The following CEMIP variants were observed in gnomAD, a reference collection of about 807,000 sequenced individuals.
CEMIP encodes cell migration inducing hyaluronidase 1, also known as cell migration-inducing and hyaluronan-binding protein.
CEMIP carries 105 observed loss-of-function variants against 156.9 expected under a neutral mutation model. The observed-to-expected ratio is 0.67, with a 90% CI of 0.57 to 0.79. The LOEUF (loss-of-function observed/expected upper bound fraction) is 0.79, where lower values mean the gene tolerates loss of function less well. Among genes scored for constraint, CEMIP ranks in the 30% least tolerant of loss-of-function variants. The probability of loss-of-function intolerance (pLI) is 0.00; values close to 1 mark genes in which losing one functional copy is unlikely to be tolerated. For missense variants in CEMIP, 1,457 were observed against 1,769.4 expected (o/e 0.82, Z 3.17); for synonymous variants, 676 against 668.4 (o/e 1.01, Z -0.17).
chr15:80,924,457 A>T (rs943041428), intron 17 of CEMIP, among the ~76,000 whole-genome samples, 164 bp from the exon 18 acceptor site: 1 of 152,226 alleles, frequency 6.6e-6, no homozygotes, highest in African/African-American at 2.4e-5. Flanking sequence ...ATAAGGCAGC[A>T]TCTTCACCTC....
At chr15:80,856,579 T>C (rs1897857381) in intron 1 of CEMIP, among the ~76,000 whole-genome samples, 1 of 152,176 alleles carries the variant, frequency 6.6e-6, no homozygotes, top group African/African-American at 2.4e-5. Flanking sequence ...GGTCCCCTAG[T>C]GGTGAGTTAG....
At chr15:80,912,370 C>T (rs992289078) in intron 14 of CEMIP, among the ~76,000 whole-genome samples, 6 of 152,158 alleles carry the variant, frequency 3.9e-5, no homozygotes, top group Admixed American at 2.6e-4. Flanking sequence ...GGTCTCCCTC[C>T]GGCCTGGGTC....
chr15:80,930,188 T>A (rs1201708457), intron 21 of CEMIP, among the ~76,000 whole-genome samples: 1 of 152,248 alleles, frequency 6.6e-6, no homozygotes, highest in African/African-American at 2.4e-5. Context: ...CCAACCCAAG[T>A]GGACATGGAA....
intron 13 of CEMIP, among the ~76,000 whole-genome samples, chr15:80,908,690 C>T (rs1899910696): frequency 6.6e-6 from 1 of 152,176 alleles, no homozygotes; most frequent in African/African-American, 2.4e-5. Context: ...CTGCTCCATA[C>T]TTCACTGTAA....
At chr15:80,880,242 G>A (rs1898601950) in intron 5 of CEMIP, among the ~76,000 whole-genome samples, 1 of 152,226 alleles carries the variant, frequency 6.6e-6, no homozygotes, top group Admixed American at 6.5e-5. Flanking sequence ...GCTAAGAAGT[G>A]AGAGTCAGGA....
chr15:80,893,055 C>T lies in CEMIP; in HGVS notation c.1087-1935C>T, dbSNP rs1326868635. On this transcript the variant is annotated intron_variant, in intron 10 of 29. Coordinates refer to ENST00000394685, the MANE Select transcript of CEMIP (RefSeq NM_001293298.2). ...TACAAAAATTAGCTGGGTGTGGTGG[C>T]GGGCACCTGTAATCCCAGCTACTCG... Among the ~76,000 whole-genome samples the T allele has an allele frequency of 4.6e-5, 7 of 151,986 alleles. No individual in the cohort carries two copies. The East Asian group carries it at 7.8e-4, about 17-fold the overall frequency.
intron 1 of CEMIP, among the ~76,000 whole-genome samples, chr15:80,864,485 T>A (rs1339552573): frequency 6.6e-6 from 1 of 152,202 alleles, no homozygotes; most frequent in Non-Finnish European, 1.5e-5. Context: ...CCCTGGGTAA[T>A]GGCGACACAC....
chr15:80,927,070 T>C lies in CEMIP; in HGVS notation c.2420+1315T>C, dbSNP rs370707968. 7.5e-4 allele frequency among the ~76,000 whole-genome samples: 115 copies of C among 152,332 alleles called. 2 individuals carry two copies. In the East Asian group the frequency reaches 0.013, roughly 17 times the overall value. On this transcript the variant is annotated intron_variant, in intron 19 of 29. Transcript: ENST00000394685. ...GGTCGCAAGCTCCTGACCTTGTGAT[T>C]CGCCCGCCTTGGCCTCCCAAAGTGC... is the stretch of plus-strand genomic sequence containing the variant.
intron 1 of CEMIP, 33 bp from the exon 2 acceptor site, chr15:80,873,505 G>T: frequency 3.3e-6 from 1 of 302,288 alleles, no homozygotes; most frequent in African/African-American, 2.1e-5. Context: ...TTCAGTGGGA[G>T]TATTTTTGTT....
At chr15:80,948,139 C>T (rs1901642980) in intron 29 of CEMIP, 1 of 157,572 alleles carries the variant, frequency 6.3e-6, no homozygotes, top group African/African-American at 2.4e-5. Context: ...GTAAGGTGAC[C>T]TAAGTTGAAT....
rs146901129 is a variant in CEMIP at position 80,908,832 on chromosome 15, A to G, written c.1588-265A>G. ...AGGAGGTTCAAAGTGAGCCCCAGCT[A>G]TAGCATAGCTCTTCAGAACATCTCA... On this transcript the variant is annotated intron_variant, in intron 13 of 29. Coordinates refer to ENST00000394685, the MANE Select transcript of CEMIP (RefSeq NM_001293298.2). Among the ~76,000 whole-genome samples the G allele has an allele frequency of 1.3e-3, 203 of 152,346 alleles. 1 individual carries two copies. The East Asian group carries it at 0.026, about 19-fold the overall frequency.
At chr15:80,937,092 A>C (rs1901156065) in intron 24 of CEMIP, among the ~76,000 whole-genome samples, 1 of 152,214 alleles carries the variant, frequency 6.6e-6, no homozygotes, top group East Asian at 1.9e-4. Flanking sequence ...TGGCCAGCGC[A>C]CGTAACCTCT....
intron 23 of CEMIP, among the ~76,000 whole-genome samples, chr15:80,936,282 C>A (rs145109560): frequency 6.6e-6 from 1 of 152,182 alleles, no homozygotes; most frequent in East Asian, 1.9e-4. Flanking sequence ...CAGTTATAGG[C>A]GAGTTGCATT....
At chr15:80,892,678 C>G (rs1899070425) in intron 10 of CEMIP, among the ~76,000 whole-genome samples, 1 of 152,200 alleles carries the variant, frequency 6.6e-6, no homozygotes, top group Admixed American at 6.5e-5. Context: ...CAGCCCGCTC[C>G]CTCCAGCGCC....
chr15:80,893,602 C>T (rs1899110921), intron 10 of CEMIP, among the ~76,000 whole-genome samples: 1 of 152,180 alleles, frequency 6.6e-6, no homozygotes, highest in African/African-American at 2.4e-5. Context: ...TGACCTTGAG[C>T]TTACATCTGA....
At chr15:80,818,409 C>T (rs1896836702) in intron 1 of CEMIP, among the ~76,000 whole-genome samples, 1 of 152,196 alleles carries the variant, frequency 6.6e-6, no homozygotes, top group African/African-American at 2.4e-5. Context: ...GAAGTGCAAA[C>T]TTATCATGGG....
chr15:80,826,070 A>G (rs2141665970), intron 1 of CEMIP, among the ~76,000 whole-genome samples: 1 of 152,232 alleles, frequency 6.6e-6, no homozygotes, highest in African/African-American at 2.4e-5. Context: ...ACTCCATCCA[A>G]TCATTTTCAT....
chr15:80,932,115 A>G lies in CEMIP; in HGVS notation c.2793+76A>G. The G allele has an allele frequency of 6.5e-7, 1 of 1,547,938 alleles. No individual in the cohort carries two copies. Among genetic ancestry groups the G allele is most frequent in the Non-Finnish European group, 8.8e-7 (1 of 1,132,734 alleles). ...GATTCACAAGTCCCCTGGGTCCCAG[A>G]GTTTGAGCTATTGCCACCACCGCAG... On this transcript the variant is annotated intron_variant, in intron 22 of 29. Transcript: ENST00000394685. This position sits in a 1 kb window ranked among gnomAD's most constrained non-coding sequence, Gnocchi z 4.5.
At chr15:80,793,739 A>G (rs1381073456) in intron 1 of CEMIP, among the ~76,000 whole-genome samples, 2 of 152,214 alleles carry the variant, frequency 1.3e-5, no homozygotes, top group Non-Finnish European at 2.9e-5. Flanking sequence ...CATAGTGTAT[A>G]GTATCTCCCA....
Sources: allele counts gnomAD v4.1 joint callset (sites outside exome capture counted in the v4.1 genomes callset), GRCh38; gene constraint gnomAD v4.1.1; non-coding constraint Gnocchi (gnomAD v3.1); transcripts MANE v1.5; gene names NCBI Gene and HGNC (gene_info 2026-07-23, HGNC 2026-07-21).